Variants in RCN1 observed in about 807,000 individuals in gnomAD.
RCN1 encodes reticulocalbin 1.
A neutral mutation model predicts 34.7 loss-of-function variants in RCN1; 14 were observed. The observed-to-expected ratio is 0.40, with a 90% CI of 0.27 to 0.63. RCN1 has a LOEUF of 0.63. Among genes scored for constraint, RCN1 ranks in the 30% least tolerant of loss-of-function variants. The pLI is 0.37. For missense variants in RCN1, 326 were observed against 425.1 expected (o/e 0.77, Z 2.05); for synonymous variants, 125 against 165.5 (o/e 0.76, Z 1.88).
intron 1 of RCN1, chr11:32,096,863 A>G (rs905984735): frequency 1.5e-5 from 5 of 337,084 alleles, no homozygotes; most frequent in Non-Finnish European, 2.7e-5. Context: ...CACAGTGCTG[A>G]GAATTCTGAG....
chr11:32,100,278 CT>C (rs1443436998), intron 3 of RCN1, among the ~76,000 whole-genome samples: 1 of 152,110 alleles, frequency 6.6e-6, no homozygotes, highest in African/African-American at 2.4e-5. Flanking sequence ...GCAGGGCCTC[CT>C]GATATCGTCA....
At chr11:32,093,102 A>C (rs1487293407) in intron 1 of RCN1, among the ~76,000 whole-genome samples, 1 of 152,128 alleles carries the variant, frequency 6.6e-6, no homozygotes. Flanking sequence ...CCACATTGTC[A>C]CTGGAGAGGA....
intron 3 of RCN1, 131 bp from the exon 4 acceptor site, chr11:32,100,417 G>A: frequency 1.4e-6 from 1 of 699,422 alleles, no homozygotes; most frequent in Non-Finnish European, 2.5e-6. Flanking sequence ...TAGTTCCCAG[G>A]GAAGTAAGGC....
In RCN1 at chr11:32,091,118, G is replaced by C. The variant is rs1851914450; in HGVS notation, c.-79G>C. 1.5e-6 allele frequency: 2 copies of C among 1,358,260 alleles called. No individual in the cohort carries two copies. The highest frequency in any genetic ancestry group is 3.5e-5 in the South Asian group (2 of 56,978). The allele number at this position is 1,358,260 out of a possible 1,614,324, so 84.1% of individuals were successfully genotyped here. ...GCCCCAACCCTGTCGCTGCCGCCGC[G>C]CTCCGAGTCCCCATTCCCGAGCTGC... is the stretch of plus-strand genomic sequence containing the variant. On this transcript the variant is annotated 5_prime_UTR_variant, in exon 1 of 6. Transcript: ENST00000054950.
intron 1 of RCN1, among the ~76,000 whole-genome samples, chr11:32,093,657 G>A (rs180687410): frequency 1.3e-5 from 2 of 152,272 alleles, no homozygotes; most frequent in Admixed American, 1.3e-4. Flanking sequence ...AGTCTGCAAA[G>A]GGGCAGGGAA....
At chr11:32,100,676 G>GGGAAA in intron 4 of RCN1, 68 bp downstream of exon 4, 5 of 1,291,842 alleles carry the variant, frequency 3.9e-6, no homozygotes, top group African/African-American at 1.5e-5. Context: ...CACACGTCTG[G>GGGAAA]CTACTTTCCC....
At chr11:32,096,108 G>A (rs1365172689) in intron 1 of RCN1, among the ~76,000 whole-genome samples, 1 of 152,090 alleles carries the variant, frequency 6.6e-6, no homozygotes, top group Non-Finnish European at 1.5e-5. Context: ...CACTCAGAAT[G>A]TCTGTTGACA....
chr11:32,091,301 A>C lies in RCN1; in HGVS notation c.105A>C (p.Lys35Asn), dbSNP rs1411674813. 3.9e-6 allele frequency: 6 copies of C among 1,546,268 alleles called. No individual in the cohort carries two copies. The African/African-American group carries it at 8.3e-5, about 21-fold the overall frequency. Residue 35 changes from lysine (K) to asparagine (N), a missense_variant, in exon 1 of 6, where the codon AAA (lysine) becomes AAC (asparagine). Coordinates refer to ENST00000054950, the MANE Select transcript of RCN1 (RefSeq NM_002901.4). ...RVLRAKPTVRKERVVRPDSEL... is the reference protein window; with the variant it reads ...RVLRAKPTVRNERVVRPDSEL... ...TGCGGGCCAAGCCCACGGTGCGCAA[A>C]GAGCGCGTGGTGCGGCCCGACTCGG...
intron 3 of RCN1, among the ~76,000 whole-genome samples, 168 bp downstream of exon 3, chr11:32,098,696 G>C (rs1003606528): frequency 6.6e-6 from 1 of 152,174 alleles, no homozygotes; most frequent in Non-Finnish European, 1.5e-5. Context: ...GTCAGGTCAG[G>C]CTGGCTGCTG....
intron 1 of RCN1, chr11:32,091,737 T>C: frequency 2.2e-6 from 1 of 446,504 alleles, no homozygotes. Context: ...GCCCGCCCCC[T>C]CCCCCAGGTT....
Position 32,097,313 on chromosome 11 carries a change from C to T in RCN1, c.424C>T (p.Gln142Ter). 1.9e-6 allele frequency: 3 copies of T among 1,581,824 alleles called. No individual in the cohort carries two copies. Among genetic ancestry groups the T allele is most frequent in the Non-Finnish European group, 2.6e-6 (3 of 1,169,028 alleles). The change falls in exon 2 of 6, where the codon CAA becomes TAA. Residue 142 changes from glutamine to a stop codon, truncating the protein, a stop_gained. Coordinates refer to ENST00000054950, the MANE Select transcript of RCN1 (RefSeq NM_002901.4). LOFTEE classifies it high-confidence loss of function. ...TAAAATTTCCTGGGAAGAATACAAA[C>T]AAGCCACCTATGGTTACTACCTAGG... ...DDKISWEEYK[Q>*]ATYGYYLGNP...
rs1417389736 is a variant in RCN1 at position 32,103,356 on chromosome 11, T to C, written c.764T>C (p.Phe255Ser). 3.7e-6 allele frequency: 6 copies of C among 1,613,720 alleles called. No individual in the cohort carries two copies. Among genetic ancestry groups the C allele is most frequent in the Non-Finnish European group, 5.1e-6 (6 of 1,179,614 alleles). ...TCAGAACGGGAGCAGTTTAACGAAT[T>C]CCGGGATCTGAACAAGGACGGGAAG... The part of the protein sequence containing the change: ...VLSEREQFNE[F>S]RDLNKDGKLD... Residue 255 changes from phenylalanine to serine, a missense_variant, in exon 5 of 6, where the codon TTC becomes TCC. By Grantham distance (155) the Phe-to-Ser change is radical. Transcript: ENST00000054950.
chr11:32,103,509 T>C, intron 5 of RCN1, 29 bp downstream of exon 5: 1 of 1,584,044 alleles, frequency 6.3e-7, no homozygotes, highest in Non-Finnish European at 8.7e-7. Flanking sequence ...GAATCACTGA[T>C]TGAAGGGAGA....
chr11:32,103,685 A>G (rs546298895), intron 5 of RCN1, among the ~76,000 whole-genome samples: 199 of 152,352 alleles, frequency 1.3e-3, no homozygotes, highest in African/African-American at 4.3e-3. Flanking sequence ...TTTCCTGGAA[A>G]GTCAGCTGTG....
intron 1 of RCN1, chr11:32,091,737 T>G: frequency 2.2e-6 from 1 of 446,510 alleles, no homozygotes; most frequent in Non-Finnish European, 3.9e-6. Context: ...GCCCGCCCCC[T>G]CCCCCAGGTT....
chr11:32,103,590 G>T (rs1852073644), intron 5 of RCN1, 110 bp downstream of exon 5: 1 of 934,124 alleles, frequency 1.1e-6, no homozygotes, highest in Non-Finnish European at 1.7e-6. Flanking sequence ...TGTCTTTATT[G>T]ACTTTTCCTT....
rs1032602970 is a variant in RCN1 at position 32,091,123 on chromosome 11, G to A, written c.-74G>A. ...AACCCTGTCGCTGCCGCCGCGCTCC[G>A]AGTCCCCATTCCCGAGCTGCCGCTG... On this transcript the variant is annotated 5_prime_UTR_variant, in exon 1 of 6. Transcript: ENST00000054950. 8.9e-5 allele frequency: 121 copies of A among 1,362,174 alleles called. No homozygotes were observed. In the South Asian group the frequency reaches 1.4e-3, roughly 16 times the overall value. 84.4% of individuals were successfully genotyped at this position (1,362,174 alleles called of 1,614,324 possible).
In RCN1 at chr11:32,097,249, C is replaced by T. The variant is rs141697360; in HGVS notation, c.360C>T (p.Val120=). Residue 120 remains valine, a synonymous_variant, in exon 2 of 6, where the codon GTC becomes GTT. Transcript: ENST00000054950. ...RVQKRYIFDN[V]AKVWKDYDRD... The stretch of plus-strand genomic sequence containing the variant: ...AGAAAAGATACATCTTTGATAATGT[C>T]GCCAAAGTCTGGAAGGATTATGATA... The T allele has an allele frequency of 3.2e-5, 51 of 1,607,368 alleles. No individual in the cohort carries two copies. In the African/African-American group the frequency reaches 3.2e-4, roughly 10 times the overall value.
At chr11:32,101,357 C>T (rs560574701) in intron 4 of RCN1, among the ~76,000 whole-genome samples, 1 of 152,208 alleles carries the variant, frequency 6.6e-6, no homozygotes, top group Admixed American at 6.5e-5. Flanking sequence ...CTTCTCATGG[C>T]AGCTCTTTTC....
Sources: allele counts gnomAD v4.1 joint callset (sites outside exome capture counted in the v4.1 genomes callset), GRCh38; gene constraint gnomAD v4.1.1; transcripts MANE v1.5; gene names NCBI Gene and HGNC (gene_info 2026-07-23, HGNC 2026-07-21).